PDE4D: variants seen among roughly 807,000 people sequenced by gnomAD.
The protein encoded by PDE4D is 3',5'-cyclic-AMP phosphodiesterase 4D.
A neutral mutation model predicts 87.4 loss-of-function variants in PDE4D; 24 were observed. The ratio of observed to expected loss-of-function variants is 0.27; its 90% CI spans 0.20 to 0.39. The LOEUF (loss-of-function observed/expected upper bound fraction) is 0.39, where lower values mean the gene tolerates loss of function less well. PDE4D is among the 10% of genes least tolerant of loss of function. The pLI is 1.00. For missense variants in PDE4D, 714 were observed against 1,041.0 expected (o/e 0.69, Z 4.32); for synonymous variants, 384 against 383.2 (o/e 1.00, Z -0.02).
rs572962695 is a variant in PDE4D at position 60,400,146 on chromosome 5, A to C, written c.-90+87796T>G. 3.3e-5 allele frequency among the ~76,000 whole-genome samples: 5 copies of C among 152,322 alleles called. No homozygotes were observed. The South Asian group carries it at 1.0e-3, about 32-fold the overall frequency. On this transcript the variant is annotated intron_variant, in intron 1 of 16. Transcript: ENST00000502484. Reference sequence around the variant, plus strand: ...TTCATGACTGCATCACAAAGTGACCACTGCCTCAGAACCATACTCACTACA... The same window carrying C: ...TTCATGACTGCATCACAAAGTGACCCCTGCCTCAGAACCATACTCACTACA...
intron 1 of PDE4D, among the ~76,000 whole-genome samples, chr5:59,850,876 C>T (rs1744570382): frequency 6.6e-6 from 1 of 152,016 alleles, no homozygotes; most frequent in Admixed American, 6.6e-5. Flanking sequence ...CCAGAAATCT[C>T]TTTCCTTTAG....
intron 1 of PDE4D, among the ~76,000 whole-genome samples, chr5:60,309,613 T>C (rs1275983864): frequency 6.6e-6 from 1 of 152,144 alleles, no homozygotes; most frequent in African/African-American, 2.4e-5. Context: ...GTTATAATAT[T>C]TCTTAACAGA....
intron 1 of PDE4D, among the ~76,000 whole-genome samples, chr5:60,215,374 T>G (rs1743745148): frequency 6.6e-6 from 1 of 152,146 alleles, no homozygotes; most frequent in African/African-American, 2.4e-5. Context: ...TTTTAAAAAA[T>G]GCTACTTATG....
Position 59,907,565 on chromosome 5 carries a change from C to T in PDE4D, c.272+80923G>A, listed in dbSNP as rs116514791. ...CACACTAGCTTACCTATATAACAAA[C>T]CTGCACATGTACCCCTGAACCTAAA... is the stretch of plus-strand genomic sequence containing the variant. On this transcript the variant is annotated intron_variant, in intron 3 of 16. Coordinates refer to the PDE4D transcript ENST00000502484. Among the ~76,000 whole-genome samples, 827 of 152,182 alleles carry T rather than the reference C, an allele frequency of 5.4e-3. 12 individuals are homozygous for T. Among genetic ancestry groups the T allele is most frequent in the African/African-American group, 0.019 (772 of 41,530 alleles).
intron 1 of PDE4D, among the ~76,000 whole-genome samples, chr5:59,557,967 A>G (rs1233757534): frequency 6.6e-6 from 1 of 152,218 alleles, no homozygotes; most frequent in African/African-American, 2.4e-5. Context: ...AAAATTATGT[A>G]TATTTAATAT....
chr5:59,571,346 T>C (rs1329771024), intron 1 of PDE4D, among the ~76,000 whole-genome samples: 1 of 152,204 alleles, frequency 6.6e-6, no homozygotes, highest in Admixed American at 6.5e-5. Context: ...CATTTCCCTT[T>C]TTTTCTTGAA....
chr5:59,343,910 G>A (rs1017178985), intron 1 of PDE4D, among the ~76,000 whole-genome samples: 9 of 151,990 alleles, frequency 5.9e-5, no homozygotes, highest in African/African-American at 2.2e-4. Context: ...GCCCTTCCAT[G>A]CAAAAACTGG....
chr5:59,942,703 G>A (rs1246112678), intron 3 of PDE4D, among the ~76,000 whole-genome samples: 2 of 152,014 alleles, frequency 1.3e-5, no homozygotes, highest in Non-Finnish European at 2.9e-5. Flanking sequence ...GATTTTATTG[G>A]TAAAATGGGA....
intron 3 of PDE4D, 136 bp from the exon 4 acceptor site, chr5:59,185,398 A>G: frequency 1.6e-6 from 1 of 622,942 alleles, no homozygotes. Context: ...CCCAACACTT[A>G]GTGCAGTTTG....
intron 1 of PDE4D, among the ~76,000 whole-genome samples, chr5:59,889,247 A>T (rs1750606135): frequency 6.6e-6 from 1 of 151,198 alleles, no homozygotes; most frequent in South Asian, 2.1e-4. Context: ...AAAAAAAAAA[A>T]AAGCTAATGT....
intron 1 of PDE4D, among the ~76,000 whole-genome samples, chr5:59,630,562 G>T (rs1054152708): frequency 1.3e-5 from 2 of 152,214 alleles, no homozygotes; most frequent in Non-Finnish European, 2.9e-5. Flanking sequence ...GATAGCCCAT[G>T]ATTTGTTTGC....
intron 2 of PDE4D, among the ~76,000 whole-genome samples, chr5:60,063,937 AGG>A (rs1454231367): frequency 6.6e-5 from 10 of 152,100 alleles, no homozygotes; most frequent in Non-Finnish European, 1.0e-4. Flanking sequence ...AGGATGGAGT[AGG>A]GGTCAGCCAT....
At chr5:60,477,657 A>G (rs1269148247) in intron 1 of PDE4D, among the ~76,000 whole-genome samples, 1 of 152,202 alleles carries the variant, frequency 6.6e-6, no homozygotes. Flanking sequence ...GAGTTCCACC[A>G]CAAACTGCTT....
At chr5:59,048,688 T>C (rs1761090816) in intron 5 of PDE4D, among the ~76,000 whole-genome samples, 1 of 152,200 alleles carries the variant, frequency 6.6e-6, no homozygotes, top group South Asian at 2.1e-4. Context: ...GAAATTGAGG[T>C]ATTCTCAGAA....
At chr5:59,984,262 G>A (rs1250122732) in intron 3 of PDE4D, among the ~76,000 whole-genome samples, 1 of 151,942 alleles carries the variant, frequency 6.6e-6, no homozygotes, top group Non-Finnish European at 1.5e-5. Flanking sequence ...AAATTATTTA[G>A]GAGGAAAATA....
chr5:60,521,479 G>C (rs1382769937), intron 1 of PDE4D: 2 of 152,124 alleles, frequency 1.3e-5, no homozygotes. Flanking sequence ...CTGGGAAAAA[G>C]AGATCTAAAG....
chr5:60,075,637 G>A (rs1465092503), intron 2 of PDE4D, among the ~76,000 whole-genome samples: 1 of 152,032 alleles, frequency 6.6e-6, no homozygotes, highest in Non-Finnish European at 1.5e-5. Flanking sequence ...TCTCTTTCAG[G>A]GATGCCAATG....
intron 1 of PDE4D, among the ~76,000 whole-genome samples, chr5:60,405,294 G>A (rs1408668414): frequency 6.6e-6 from 1 of 152,192 alleles, no homozygotes; most frequent in South Asian, 2.1e-4. Flanking sequence ...AGAGGAGCAA[G>A]GAATGAGTTT....
intron 2 of PDE4D, among the ~76,000 whole-genome samples, chr5:60,033,881 A>G (rs1343871971): frequency 6.6e-6 from 1 of 152,246 alleles, no homozygotes; most frequent in Non-Finnish European, 1.5e-5. Flanking sequence ...TTTTTCTCCA[A>G]TAAAAATATT....
Sources: allele counts gnomAD v4.1 joint callset (sites outside exome capture counted in the v4.1 genomes callset), GRCh38; gene constraint gnomAD v4.1.1; transcripts MANE v1.5; gene names NCBI Gene and HGNC (gene_info 2026-07-23, HGNC 2026-07-21).